Variants in TRIT1 observed in about 807,000 individuals in gnomAD.
The protein encoded by TRIT1 is tRNA dimethylallyltransferase.
TRIT1 carries 43 observed loss-of-function variants against 51.2 expected under a neutral mutation model. The ratio of observed to expected loss-of-function variants is 0.84; its 90% CI spans 0.66 to 1.08. The LOEUF (loss-of-function observed/expected upper bound fraction) is 1.08. TRIT1 is among the 50% of genes least tolerant of loss of function. The pLI is 0.00. For synonymous variants in TRIT1, 184 were observed against 203.9 expected, an observed-to-expected ratio of 0.90 and a Z score of 0.83; for missense variants, 528 against 578.4, an observed-to-expected ratio of 0.91 and a Z score of 0.89.
intron 2 of TRIT1, among the ~76,000 whole-genome samples, chr1:39,855,486 T>G (rs1642841039): frequency 6.6e-6 from 1 of 152,180 alleles, no homozygotes; most frequent in African/African-American, 2.4e-5. Context: ...CAAGGAAATG[T>G]TTCAGATTTT....
chr1:39,859,558 G>A (rs1202108343), intron 1 of TRIT1, among the ~76,000 whole-genome samples: 1 of 151,470 alleles, frequency 6.6e-6, no homozygotes, highest in Admixed American at 6.6e-5. Context: ...ACTCCAGCCT[G>A]GGCAATAGAG....
At chr1:39,870,580 A>C (rs950397967) in intron 1 of TRIT1, among the ~76,000 whole-genome samples, 2 of 151,200 alleles carry the variant, frequency 1.3e-5, no homozygotes, top group Non-Finnish European at 2.9e-5. Flanking sequence ...AATTAACGAC[A>C]ATGAGATACC....
At chr1:39,842,510 A>AG (rs1242549470) in intron 10 of TRIT1, among the ~76,000 whole-genome samples, 3 of 152,134 alleles carry the variant, frequency 2.0e-5, no homozygotes, top group African/African-American at 7.2e-5. Context: ...CTAGGCACAC[A>AG]CTGCTCCAGG....
At chr1:39,847,155 G>A (rs1464059604) in intron 8 of TRIT1, 65 bp downstream of exon 8, 10 of 1,328,312 alleles carry the variant, frequency 7.5e-6, no homozygotes, top group East Asian at 2.3e-5. Flanking sequence ...TTTTCTGGGT[G>A]AGCTGAGGAC....
intron 1 of TRIT1, among the ~76,000 whole-genome samples, chr1:39,870,606 G>A (rs1416854114): frequency 7.0e-5 from 10 of 142,218 alleles, no homozygotes; most frequent in Non-Finnish European, 1.2e-4. Context: ...ATAGAACTGC[G>A]GAAATTAAAA....
Position 39,850,211 on chromosome 1 carries a change from T to C in TRIT1, c.611A>G (p.His204Arg), listed in dbSNP as rs1642480435. ...ACCACCTTCTTCCGTATGTTGACGA[T>C]GGAGAAATTCACTATGAGAGATTCC... Reference protein sequence around the residue: ...ETGISHSEFLHRQHTEEGGGP... With the variant: ...ETGISHSEFLRRQHTEEGGGP... Residue 204 changes from histidine (H) to arginine (R), a missense_variant, in exon 5 of 11, where the codon CAT becomes CGT. This residue lies in a region of TRIT1 where 468 missense variants were observed against 522.6 expected (regional missense o/e 0.90). Transcript: ENST00000316891. 2 of 1,614,190 alleles carry C rather than the reference T, an allele frequency of 1.2e-6. No individual in the cohort carries two copies. The highest frequency in any genetic ancestry group is 1.7e-6 in the Non-Finnish European group (2 of 1,180,040).
chr1:39,858,746 A>G (rs1643044888), intron 1 of TRIT1, among the ~76,000 whole-genome samples: 1 of 152,208 alleles, frequency 6.6e-6, no homozygotes, highest in Admixed American at 6.5e-5. Context: ...ATAAAAAATA[A>G]TGTAAATAAG....
intron 7 of TRIT1, 116 bp downstream of exon 7, chr1:39,847,432 T>A (rs1048439884): frequency 3.6e-5 from 52 of 1,446,426 alleles, no homozygotes; most frequent in Non-Finnish European, 4.9e-5. Context: ...AAATCTCAGT[T>A]CTGAGCTGAA....
At chr1:39,845,507 G>A (rs1642172784) in intron 8 of TRIT1, among the ~76,000 whole-genome samples, 1 of 152,228 alleles carries the variant, frequency 6.6e-6, no homozygotes, top group Non-Finnish European at 1.5e-5. Context: ...CCTTTTGATT[G>A]TGCCAACCCC....
intron 1 of TRIT1, among the ~76,000 whole-genome samples, chr1:39,880,583 G>A (rs1315014167): frequency 6.6e-6 from 1 of 152,050 alleles, no homozygotes; most frequent in Non-Finnish European, 1.5e-5. Context: ...GGCGGATCAT[G>A]AGGTCAAGAG....
chr1:39,856,080 G>A (rs1388121300), intron 2 of TRIT1, among the ~76,000 whole-genome samples: 1 of 152,166 alleles, frequency 6.6e-6, no homozygotes, highest in Non-Finnish European at 1.5e-5. Context: ...GCCGAGGCAG[G>A]TGGATCACGA....
At chr1:39,877,898 C>T (rs1644125084) in intron 1 of TRIT1, among the ~76,000 whole-genome samples, 2 of 152,138 alleles carry the variant, frequency 1.3e-5, no homozygotes, top group Non-Finnish European at 2.9e-5. Context: ...CCTGTCCCTC[C>T]TTGAATTCAG....
intron 1 of TRIT1, among the ~76,000 whole-genome samples, chr1:39,859,740 T>A (rs182288903): frequency 1.2e-4 from 19 of 152,334 alleles, no homozygotes; most frequent in African/African-American, 4.3e-4. Context: ...AGAGCTCACA[T>A]AGCAACAACT....
Position 39,841,826 on chromosome 1 carries a change from C to T in TRIT1, c.1322G>A (p.Ser441Asn). 6.2e-7 allele frequency: 1 copy of T among 1,614,078 alleles called. No homozygotes were observed. Among genetic ancestry groups the T allele is most frequent in the Non-Finnish European group, 8.5e-7 (1 of 1,179,982 alleles). The change falls in exon 11 of 11, where the codon AGT becomes AAT. Residue 441 changes from serine (S) to asparagine (N), a missense_variant. Ser to Asn is a conservative substitution (Grantham distance 46, BLOSUM62 1). Transcript: ENST00000316891. The stretch of plus-strand genomic sequence containing the variant: ...TTCTTTGTTATGGTCTGGGGAAACA[C>T]TCTGACTTTCTATGGTGTTGACAGC... ...SDAVNTIESQSVSPDHNKEPK... is the reference protein window; with the variant it reads ...SDAVNTIESQNVSPDHNKEPK...
chr1:39,879,920 T>C (rs1316841027), intron 1 of TRIT1, among the ~76,000 whole-genome samples: 1 of 147,142 alleles, frequency 6.8e-6, no homozygotes, highest in African/African-American at 2.5e-5. Context: ...CTCACACCTG[T>C]AATCCCAGCA....
intron 1 of TRIT1, among the ~76,000 whole-genome samples, chr1:39,863,093 A>T (rs981796152): frequency 6.6e-5 from 10 of 152,246 alleles, no homozygotes; most frequent in African/African-American, 2.2e-4. Context: ...AACATAATTG[A>T]CTTATCTCTA....
chr1:39,856,083 G>A (rs1005175719), intron 2 of TRIT1, among the ~76,000 whole-genome samples: 2 of 152,128 alleles, frequency 1.3e-5, no homozygotes. Context: ...GAGGCAGGTG[G>A]ATCACGAGGT....
rs186649755 is a variant in TRIT1, at chr1:39,844,415, C to T, written c.1116+116G>A. On this transcript the variant is annotated intron_variant, in intron 9 of 10. Coordinates refer to ENST00000316891, the MANE Select transcript of TRIT1 (RefSeq NM_017646.6). ...TCCAGGTATTAAAAAGCAGCCAGCCCTTCTGCTTTATTCTATGGAAAAGAA... is the reference window on the plus strand; with the variant it reads ...TCCAGGTATTAAAAAGCAGCCAGCCTTTCTGCTTTATTCTATGGAAAAGAA... The T allele has an allele frequency of 2.1e-4, 192 of 922,270 alleles. No homozygotes were observed. The African/African-American group carries it at 2.6e-3, about 13-fold the overall frequency. 57.1% of individuals were successfully genotyped at this position (922,270 alleles called of 1,614,324 possible). A position where few individuals can be genotyped will look rare whatever the true frequency, so the allele number is the denominator to read the frequency against.
intron 1 of TRIT1, among the ~76,000 whole-genome samples, chr1:39,880,958 C>T (rs1273954057): frequency 6.6e-6 from 1 of 152,042 alleles, no homozygotes; most frequent in African/African-American, 2.4e-5. Flanking sequence ...TGCCTCACAC[C>T]TGTAATCCTA....
Sources: gnomAD v4.1 joint callset for allele counts (sites outside exome capture counted in the v4.1 genomes callset) on GRCh38, gnomAD v4.1.1 for gene constraint, gnomAD v4.1.1 regional missense constraint, MANE v1.5 for transcripts, NCBI Gene and HGNC (gene_info 2026-07-23, HGNC 2026-07-21) for gene names.